Variants in PACSIN2 observed in about 807,000 individuals in gnomAD.
PACSIN2 encodes the protein protein kinase C and casein kinase substrate in neurons 2, also known as protein kinase C and casein kinase substrate in neurons protein 2.
A neutral mutation model predicts 63.8 loss-of-function variants in PACSIN2; 25 were observed. The ratio of observed to expected loss-of-function variants is 0.39; its 90% CI spans 0.29 to 0.55. The LOEUF is 0.55. Among genes scored for constraint, PACSIN2 ranks in the 20% least tolerant of loss-of-function variants. PACSIN2 has a pLI of 0.62. For missense variants in PACSIN2, 518 were observed against 646.9 expected (o/e 0.80, Z 2.16); for synonymous variants, 255 against 256.2 (o/e 1.00, Z 0.05).
At chr22:42,872,987 G>A (rs780660538) in intron 10 of PACSIN2, among the ~76,000 whole-genome samples, 3 of 152,084 alleles carry the variant, frequency 2.0e-5, no homozygotes, top group Non-Finnish European at 2.9e-5. Flanking sequence ...CCAGGCTACC[G>A]AGGCTAGGAT....
At chr22:42,939,132 A>C (rs1465332783) in intron 1 of PACSIN2, among the ~76,000 whole-genome samples, 1 of 152,202 alleles carries the variant, frequency 6.6e-6, no homozygotes, top group African/African-American at 2.4e-5. Context: ...CTTAATGAAG[A>C]GCTGGAGCTA....
chr22:42,895,651 A>G (rs1435806403), intron 2 of PACSIN2, among the ~76,000 whole-genome samples: 1 of 152,236 alleles, frequency 6.6e-6, no homozygotes, highest in Non-Finnish European at 1.5e-5. Context: ...GAAATCCGTG[A>G]TGAATACAGG....
chr22:42,937,116 G>A (rs1487968763), intron 1 of PACSIN2, among the ~76,000 whole-genome samples: 1 of 152,172 alleles, frequency 6.6e-6, no homozygotes, highest in East Asian at 1.9e-4. Flanking sequence ...GCCCTCATGG[G>A]TCTGTGTTCT....
At chr22:42,982,017 T>C (rs1380156065) in intron 1 of PACSIN2, among the ~76,000 whole-genome samples, 3 of 69,864 alleles carry the variant, frequency 4.3e-5, no homozygotes, top group African/African-American at 1.1e-4. Flanking sequence ...CAGCCCCCCT[T>C]CCGGCCGGCC....
intron 10 of PACSIN2, among the ~76,000 whole-genome samples, chr22:42,875,584 G>T (rs573353984): frequency 6.6e-6 from 1 of 151,744 alleles, no homozygotes; most frequent in African/African-American, 2.4e-5. Context: ...CACCCAGCCT[G>T]GGGTACAGTG....
At chr22:42,876,420 C>G in intron 9 of PACSIN2, 87 bp from the exon 10 acceptor site, 1 of 1,170,446 alleles carries the variant, frequency 8.5e-7, no homozygotes, top group Non-Finnish European at 1.2e-6. Flanking sequence ...GGCACTGGAG[C>G]CTTGGGGCTC....
intron 1 of PACSIN2, among the ~76,000 whole-genome samples, chr22:42,990,825 C>T (rs1207440792): frequency 7.0e-6 from 1 of 142,184 alleles, no homozygotes; most frequent in Non-Finnish European, 1.5e-5. Context: ...GCCATGGAAA[C>T]CACTCTATTT....
At chr22:42,942,970 A>G (rs1437889956) in intron 1 of PACSIN2, among the ~76,000 whole-genome samples, 4 of 152,224 alleles carry the variant, frequency 2.6e-5, no homozygotes, top group Non-Finnish European at 5.9e-5. Flanking sequence ...GTGACTCTGT[A>G]GCTCAATTTG....
In PACSIN2 at chr22:42,888,767, G is replaced by A. The variant is rs1420420513; in HGVS notation, c.485C>T (p.Ala162Val). ...VEAAKKAHHA[A>V]CKEEKLAISR... ...GATAGCCAGCTTCTCCTCTTTGCAC[G>A]CTGCATGGTGGGCTTTCTTTGCTGC... The change falls in exon 5 of 11, where the codon GCG becomes GTG. Residue 162 changes from alanine (A) to valine (V), a missense_variant. Physicochemically the swap from Ala to Val is moderately conservative, Grantham distance 64. Coordinates refer to ENST00000263246, the MANE Select transcript of PACSIN2 (RefSeq NM_001184970.3). 9.9e-6 allele frequency: 16 copies of A among 1,614,006 alleles called. No individual in the cohort carries two copies. The highest frequency in any genetic ancestry group is 8.3e-5 in the Admixed American group (5 of 59,990).
intron 1 of PACSIN2, among the ~76,000 whole-genome samples, chr22:42,983,422 G>A (rs1306312491): frequency 2.1e-4 from 31 of 145,920 alleles, no homozygotes; most frequent in African/African-American, 7.2e-4. Flanking sequence ...CCCAGAAGGC[G>A]GAGGTTGCAG....
chr22:42,938,392 T>G (rs2038059), intron 1 of PACSIN2, among the ~76,000 whole-genome samples: 100,792 of 152,108 alleles, frequency 0.66, 35,252 homozygotes, highest in African/African-American at 0.88. Flanking sequence ...GCATAAGGAA[T>G]CCTCCCCTCT....
intron 1 of PACSIN2, among the ~76,000 whole-genome samples, chr22:42,951,024 G>A (rs778653338): frequency 2.6e-5 from 4 of 152,188 alleles, no homozygotes; most frequent in Non-Finnish European, 5.9e-5. Context: ...AGGTTGTCCT[G>A]AGTCTTGAAT....
chr22:42,992,075 C>T (rs1923084136), intron 1 of PACSIN2, among the ~76,000 whole-genome samples: 1 of 152,124 alleles, frequency 6.6e-6, no homozygotes, highest in Non-Finnish European at 1.5e-5. Flanking sequence ...GAAAAGACAG[C>T]CTCAGACAGG....
At chr22:42,920,032 C>T (rs1288021486) in intron 1 of PACSIN2, among the ~76,000 whole-genome samples, 1 of 151,894 alleles carries the variant, frequency 6.6e-6, no homozygotes, top group Non-Finnish European at 1.5e-5. Context: ...CACTTGAGCC[C>T]AGGAGCTGGA....
intron 1 of PACSIN2, among the ~76,000 whole-genome samples, chr22:42,939,871 C>T (rs954408071): frequency 2.0e-5 from 3 of 152,174 alleles, no homozygotes; most frequent in Non-Finnish European, 4.4e-5. Flanking sequence ...TGAGCACCTG[C>T]GATGTTCCAG....
At chr22:42,895,036 C>T (rs769785367) in intron 2 of PACSIN2, among the ~76,000 whole-genome samples, 3 of 152,184 alleles carry the variant, frequency 2.0e-5, no homozygotes, top group Non-Finnish European at 4.4e-5. Context: ...AAAGCAAAGA[C>T]CCCTGGAAGG....
rs1185957554 is a variant in PACSIN2 at position 42,870,559 on chromosome 22, ACT to A, written c.*796_*797del. ...GCTTGAAAAGTTAGTCTTCTTTTTA[ACT>A]CTGAATCAGTGATAAAATTGTTAAT... On this transcript the variant is annotated 3_prime_UTR_variant, in exon 11 of 11. Transcript: ENST00000263246. The A allele has an allele frequency of 6.6e-6, 1 of 152,190 alleles. No homozygotes were observed. The highest frequency in any genetic ancestry group is 2.4e-5 in the African/African-American group (1 of 41,442). The allele number at this position is 152,190 out of a possible 1,614,324, so 9.4% of individuals were successfully genotyped here.
chr22:42,886,703 C>T (rs570625738), intron 5 of PACSIN2, among the ~76,000 whole-genome samples: 19 of 152,252 alleles, frequency 1.2e-4, no homozygotes, highest in African/African-American at 4.1e-4. Flanking sequence ...TTGGAAACTG[C>T]GTCAAGAAGG....
At chr22:43,003,536 G>A (rs1441397584) in intron 1 of PACSIN2, among the ~76,000 whole-genome samples, 1 of 152,192 alleles carries the variant, frequency 6.6e-6, no homozygotes, top group African/African-American at 2.4e-5. Flanking sequence ...CCAGGAGGCG[G>A]AGCTTGCAGT....
Sources: allele counts gnomAD v4.1 joint callset (sites outside exome capture counted in the v4.1 genomes callset), GRCh38; gene constraint gnomAD v4.1.1; transcripts MANE v1.5; gene names NCBI Gene and HGNC (gene_info 2026-07-23, HGNC 2026-07-21).